Variants in TNIP2 observed in about 807,000 individuals in gnomAD.
TNIP2 encodes the protein TNFAIP3 interacting protein 2.
A neutral mutation model predicts 43.7 loss-of-function variants in TNIP2; 30 were observed. The observed-to-expected ratio is 0.69, with a 90% CI of 0.51 to 0.93. The LOEUF (loss-of-function observed/expected upper bound fraction) is 0.93, where lower values mean the gene tolerates loss of function less well. Among genes scored for constraint, TNIP2 ranks in the 40% least tolerant of loss-of-function variants. The pLI, the probability that TNIP2 is intolerant of heterozygous loss-of-function variation, is 0.00. For synonymous variants in TNIP2, 260 were observed against 254.6 expected (o/e 1.02, Z -0.20); for missense variants, 599 against 591.0 (o/e 1.01, Z -0.14).
rs993130089 is a variant in TNIP2, at chr4:2,755,936, C to G, written c.276+78G>C. ...TCAACCCCTCAGGACCCGGGGCCCG[C>G]TCGCTCACCCACCCAGGACCCGGCG... On this transcript the variant is annotated intron_variant, in intron 1 of 5. Coordinates refer to ENST00000315423, the MANE Select transcript of TNIP2 (RefSeq NM_024309.4). 1.1e-4 allele frequency: 163 copies of G among 1,429,338 alleles called. 2 individuals are homozygous for G. In the African/African-American group the frequency reaches 2.2e-3, roughly 19 times the overall value. 88.5% of individuals were successfully genotyped at this position (1,429,338 alleles called of 1,614,324 possible). A position where few individuals can be genotyped will look rare whatever the true frequency, so the allele number is the denominator to read the frequency against.
At position 2,744,340 on chromosome 4, in the gene TNIP2, CAA is replaced by C; in HGVS notation, c.1026+45_1026+46del. 4 of 1,612,130 alleles carry C rather than the reference CAA, an allele frequency of 2.5e-6. No individual in the cohort carries two copies. The highest frequency in any genetic ancestry group is 3.4e-6 in the Non-Finnish European group (4 of 1,179,008). ...GGCTCTAATCTCATGAGAAGAGAAA[CAA>C]AAACACTAAACCTAAGCAGGAAGAA... On this transcript the variant is annotated intron_variant, in intron 5 of 5. Coordinates refer to ENST00000315423, the MANE Select transcript of TNIP2 (RefSeq NM_024309.4). This position sits in a 1 kb window ranked among gnomAD's most constrained non-coding sequence, Gnocchi z 5.1.
intron 1 of TNIP2, among the ~76,000 whole-genome samples, chr4:2,750,428 ATTATT>A (rs1201347237): frequency 2.7e-5 from 4 of 147,698 alleles, no homozygotes; most frequent in Non-Finnish European, 4.5e-5. Flanking sequence ...TATTATTATT[ATTATT>A]TTATTATTTT....
At chr4:2,754,710 C>G (rs1722185962) in intron 1 of TNIP2, among the ~76,000 whole-genome samples, 1 of 152,172 alleles carries the variant, frequency 6.6e-6, no homozygotes, top group Non-Finnish European at 1.5e-5. Context: ...CCACCGCGTC[C>G]GGACCCTTGT....
chr4:2,743,574 G>A (rs867788152), intron 5 of TNIP2, among the ~76,000 whole-genome samples: 2 of 152,174 alleles, frequency 1.3e-5, no homozygotes, highest in African/African-American at 2.4e-5. Flanking sequence ...GTGGCTGCTC[G>A]GAACAGGGCA....
Position 2,744,382 on chromosome 4 carries a change from TCTAC to T in TNIP2, c.1026+1_1026+4del. The T allele has an allele frequency of 3.7e-6, 6 of 1,614,184 alleles. No homozygotes were observed. Among genetic ancestry groups the T allele is most frequent in the Non-Finnish European group, 4.2e-6 (5 of 1,180,026 alleles). On this transcript the variant is annotated splice_donor_variant and splice_donor_region_variant and intron_variant, in intron 5 of 5. Transcript: ENST00000315423. LOFTEE classifies it high-confidence loss of function. The surrounding 1 kb of genome is among the most constrained non-coding windows in gnomAD (Gnocchi z 5.1). ...AGCAGGAAGAAAAACGCCCTCATAC[TCTAC>T]CTGTCTCCAGGACACCTGGTGCAGC...
chr4:2,742,894 CTG>C (rs958553540), intron 5 of TNIP2, among the ~76,000 whole-genome samples: 3 of 152,202 alleles, frequency 2.0e-5, no homozygotes, highest in Non-Finnish European at 4.4e-5. Flanking sequence ...GCTGGGCAAA[CTG>C]AGTACCAACC....
intron 1 of TNIP2, among the ~76,000 whole-genome samples, chr4:2,751,472 C>T (rs1400073084): frequency 6.6e-6 from 1 of 152,212 alleles, no homozygotes; most frequent in Non-Finnish European, 1.5e-5. Context: ...GTATCACAAA[C>T]TTGGTGTCTT....
intron 1 of TNIP2, among the ~76,000 whole-genome samples, chr4:2,753,867 GAC>G (rs1193302132): frequency 6.6e-6 from 1 of 152,176 alleles, no homozygotes; most frequent in Non-Finnish European, 1.5e-5. Context: ...GAGTAGGGGA[GAC>G]ACTGGCTGCT....
chr4:2,745,564 A>T, intron 2 of TNIP2, 29 bp from the exon 3 acceptor site: 4 of 1,492,744 alleles, frequency 2.7e-6, no homozygotes, highest in Non-Finnish European at 2.8e-6. Context: ...GAGAGAAGAC[A>T]CTCTGTCACA....
Position 2,756,223 on chromosome 4 carries a change from G to C in TNIP2, c.67C>G (p.Leu23Val). The C allele has an allele frequency of 6.8e-7, 1 of 1,471,012 alleles. No individual in the cohort carries two copies. The highest frequency in any genetic ancestry group is 8.9e-7 in the Non-Finnish European group (1 of 1,119,284). 91.1% of individuals were successfully genotyped at this position (1,471,012 alleles called of 1,614,324 possible). Residue 23 changes from leucine (L) to valine (V), a missense_variant, in exon 1 of 6, where the codon CTG becomes GTG. Physicochemically the swap from Leu to Val is conservative, Grantham distance 32. Transcript: ENST00000315423. Reference sequence around the variant, plus strand: ...AGCCGCTGTCCGGCCTCGTGGTACAGGGTGCAGAGCGCGGCAGCTGCGCGC... The same window carrying C: ...AGCCGCTGTCCGGCCTCGTGGTACACGGTGCAGAGCGCGGCAGCTGCGCGC... ...APRAAAALCT[L>V]YHEAGQRLRR...
intron 1 of TNIP2, among the ~76,000 whole-genome samples, chr4:2,754,470 G>A (rs545741895): frequency 3.3e-5 from 5 of 152,386 alleles, no homozygotes; most frequent in African/African-American, 1.2e-4. Context: ...AGGCTGGAGT[G>A]CAGTGGCACA....
intron 1 of TNIP2, among the ~76,000 whole-genome samples, chr4:2,749,143 TG>T (rs2109487891): frequency 6.6e-6 from 1 of 152,308 alleles, no homozygotes; most frequent in South Asian, 2.1e-4. Flanking sequence ...ATCATCAAAA[TG>T]TTTTTTTGAG....
chr4:2,744,441 A>G lies in TNIP2; in HGVS notation c.972T>C (p.Ile324=). The G allele has an allele frequency of 1.2e-6, 2 of 1,614,210 alleles. No homozygotes were observed. The highest frequency in any genetic ancestry group is 1.7e-6 in the Non-Finnish European group (2 of 1,180,030). The stretch of plus-strand genomic sequence containing the variant: ...AGGCGACCTTTTCCTCCAGTTCTTG[A>G]ATCCTACTTTGAGCCCGTTCCCGAT... ...RADRERAQSR[I]QELEEKVASL... is the part of the protein sequence containing the mutation. Residue 324 remains isoleucine (I), a synonymous_variant, in exon 5 of 6, where the codon ATT becomes ATC. Transcript: ENST00000315423. This position sits in a 1 kb window ranked among gnomAD's most constrained non-coding sequence, Gnocchi z 5.1.
At position 2,744,671 on chromosome 4, in the gene TNIP2, C is replaced by T. The variant is rs1279518605; in HGVS notation, c.906+26G>A. On this transcript the variant is annotated intron_variant, in intron 4 of 5. Coordinates refer to ENST00000315423, the MANE Select transcript of TNIP2 (RefSeq NM_024309.4). The surrounding 1 kb of genome is among the most constrained non-coding windows in gnomAD (Gnocchi z 5.1). ...CCGGCCAGCAGACATCTGGTCAGTGCCGTCCGGAGCCCGAGGGACAGACAC... is the reference window on the plus strand; with the variant it reads ...CCGGCCAGCAGACATCTGGTCAGTGTCGTCCGGAGCCCGAGGGACAGACAC... 2 of 1,592,164 alleles carry T rather than the reference C, an allele frequency of 1.3e-6. No homozygotes were observed. Among genetic ancestry groups the T allele is most frequent in the East Asian group, 2.2e-5 (1 of 44,778 alleles).
Position 2,744,072 on chromosome 4 carries a change from G to A in TNIP2, c.1026+315C>T, listed in dbSNP as rs1184327974. On this transcript the variant is annotated intron_variant, in intron 5 of 5. Transcript: ENST00000315423. This position sits in a 1 kb window ranked among gnomAD's most constrained non-coding sequence, Gnocchi z 5.1. ...TCACAGACAGGTCAGGACACGTAGG[G>A]AGCTCACACTTTGAGGCCCGAGATA... is the stretch of plus-strand genomic sequence containing the variant. Among the ~76,000 whole-genome samples the A allele has an allele frequency of 1.3e-5, 2 of 152,212 alleles. No homozygotes were observed. The highest frequency in any genetic ancestry group is 3.2e-3 in the Middle Eastern group (1 of 316).
rs1475957888 is a variant in TNIP2, at chr4:2,747,788, C to T, written c.434G>A (p.Arg145His). The change falls in exon 2 of 6, where the codon CGC becomes CAC. Residue 145 changes from arginine to histidine, a missense_variant. Transcript: ENST00000315423. ...CTGATGGGTCTCGTTGGCCAAGGAG[C>T]GGCACAGGACGTCACTGGCGGCCCG... ...RARAASDVLCRSLANETHQLR... is the reference protein window; with the variant it reads ...RARAASDVLCHSLANETHQLR... 9 of 1,612,178 alleles carry T rather than the reference C, an allele frequency of 5.6e-6. No homozygotes were observed. The highest frequency in any genetic ancestry group is 2.2e-5 in the East Asian group (1 of 44,896).
intron 1 of TNIP2, among the ~76,000 whole-genome samples, chr4:2,748,713 C>T (rs1577310051): frequency 7.4e-6 from 1 of 134,790 alleles, no homozygotes; most frequent in African/African-American, 3.2e-5. Context: ...AGGCTAATCT[C>T]GAATTCCTGA....
At chr4:2,753,730 GT>G (rs1184621103) in intron 1 of TNIP2, among the ~76,000 whole-genome samples, 2 of 152,176 alleles carry the variant, frequency 1.3e-5, no homozygotes, top group African/African-American at 4.8e-5. Context: ...CGGGTCCTTG[GT>G]CTGTACTCAT....
chr4:2,745,107 C>G (rs774632657), intron 3 of TNIP2, among the ~76,000 whole-genome samples, 162 bp from the exon 4 acceptor site: 1 of 152,188 alleles, frequency 6.6e-6, no homozygotes, highest in East Asian at 1.9e-4. Flanking sequence ...ACACTAGGCC[C>G]GCTAGAGAAT....
Sources: gnomAD v4.1 joint callset for allele counts (sites outside exome capture counted in the v4.1 genomes callset) on GRCh38, gnomAD v4.1.1 for gene constraint, Gnocchi (gnomAD v3.1) non-coding constraint, MANE v1.5 for transcripts, NCBI Gene and HGNC (gene_info 2026-07-23, HGNC 2026-07-21) for gene names.